ARHGAP22: variants seen among roughly 807,000 people sequenced by gnomAD.
ARHGAP22 encodes Rho GTPase activating protein 22.
ARHGAP22 carries 48 observed loss-of-function variants against 59.1 expected under a neutral mutation model. That is an observed-to-expected ratio of 0.81 (90% CI 0.64 to 1.03). The LOEUF (loss-of-function observed/expected upper bound fraction) is 1.03. ARHGAP22 is among the 50% of genes least tolerant of loss of function. The pLI, the probability that ARHGAP22 is intolerant of heterozygous loss-of-function variation, is 0.00. For synonymous variants in ARHGAP22, 445 were observed against 416.4 expected (o/e 1.07, Z -0.84); for missense variants, 1,015 against 958.7 (o/e 1.06, Z -0.78).
intron 1 of ARHGAP22, among the ~76,000 whole-genome samples, chr10:48,649,332 G>C (rs557030808): frequency 6.6e-6 from 1 of 152,294 alleles, no homozygotes; most frequent in Admixed American, 6.5e-5. Flanking sequence ...AGGCCAAGGT[G>C]AGGACAACCA....
In ARHGAP22 at chr10:48,600,170, A is replaced by T. The variant is rs371142087; in HGVS notation, c.34+4593T>A. Among the ~76,000 whole-genome samples the T allele has an allele frequency of 3.3e-5, 5 of 152,358 alleles. 1 individual carries two copies. The highest frequency in any genetic ancestry group is 1.2e-4 in the African/African-American group (5 of 41,594). The stretch of plus-strand genomic sequence containing the variant: ...GGAAGGTCCAGCTTGCATCTGGCAC[A>T]TTCTAAACACTCAACAGAGATTCTC... On this transcript the variant is annotated intron_variant, in intron 1 of 9. Transcript: ENST00000249601.
At chr10:48,653,943 A>G (rs2062657220), upstream of ARHGAP22, among the ~76,000 whole-genome samples, 1 of 152,242 alleles carries the variant, frequency 6.6e-6, no homozygotes, top group Non-Finnish European at 1.5e-5. Flanking sequence ...AGGTATGTAT[A>G]GTTGACCTGA....
chr10:48,481,522 C>T (rs1231215764), intron 3 of ARHGAP22, among the ~76,000 whole-genome samples: 1 of 151,982 alleles, frequency 6.6e-6, no homozygotes, highest in Non-Finnish European at 1.5e-5. Context: ...AATTATTTTC[C>T]CTGAAGAGGG....
chr10:48,462,256 G>GT (rs1170363325), intron 4 of ARHGAP22, among the ~76,000 whole-genome samples: 1 of 123,204 alleles, frequency 8.1e-6, no homozygotes, highest in Non-Finnish European at 1.7e-5. Context: ...GGTGGGGGGG[G>GT]GGCACCTGAG....
intron 3 of ARHGAP22, among the ~76,000 whole-genome samples, chr10:48,536,552 C>T (rs1194041904): frequency 6.6e-6 from 1 of 152,210 alleles, no homozygotes; most frequent in African/African-American, 2.4e-5. Context: ...TCTGTTTCCC[C>T]ACTTCCTACA....
chr10:48,641,389 T>C (rs994416795), intron 1 of ARHGAP22, among the ~76,000 whole-genome samples: 8 of 152,052 alleles, frequency 5.3e-5, no homozygotes, highest in Admixed American at 4.6e-4. Flanking sequence ...AGAAAAAGAA[T>C]GGAAAAATAT....
chr10:48,568,478 C>A (rs115355200), intron 2 of ARHGAP22, among the ~76,000 whole-genome samples: 1,534 of 152,334 alleles, frequency 0.01, 28 homozygotes, highest in African/African-American at 0.035. Context: ...CTGAATCCCT[C>A]TGGCTGCCCA....
chr10:48,588,737 A>G lies in ARHGAP22; in HGVS notation c.35-5585T>C, dbSNP rs188763830. On this transcript the variant is annotated intron_variant, in intron 1 of 9. Coordinates refer to ENST00000249601, the MANE Select transcript of ARHGAP22 (RefSeq NM_021226.4). Reference sequence around the variant, plus strand: ...CCAGGTACAGAGCCCAATTGACTTGATGGTGTTCCCTGTGGGGTCCCGCAG... The same window carrying G: ...CCAGGTACAGAGCCCAATTGACTTGGTGGTGTTCCCTGTGGGGTCCCGCAG... Among the ~76,000 whole-genome samples the G allele has an allele frequency of 6.6e-5, 10 of 152,318 alleles. No individual in the cohort carries two copies. In the East Asian group the frequency reaches 1.9e-3, roughly 29 times the overall value.
At chr10:48,609,771 G>T (rs1024226282), upstream of ARHGAP22, among the ~76,000 whole-genome samples, 2 of 152,132 alleles carry the variant, frequency 1.3e-5, no homozygotes, top group Non-Finnish European at 2.9e-5. Flanking sequence ...AGGCCACGGG[G>T]ACCTTCTACA....
rs139511279 is a variant in ARHGAP22 at position 48,461,284 on chromosome 10, G to A, written c.452-1393C>T. Among the ~76,000 whole-genome samples, 69 of 152,302 alleles carry A rather than the reference G, an allele frequency of 4.5e-4. 1 individual carries two copies. The highest frequency in any genetic ancestry group is 1.4e-3 in the African/African-American group (60 of 41,562). On this transcript the variant is annotated intron_variant, in intron 4 of 9. Transcript: ENST00000249601. ...TCAAACGCATCTGTGCTGTTAGGCC[G>A]GGACATGGTTCCCTTGGTGGGTCAG...
intron 2 of ARHGAP22, among the ~76,000 whole-genome samples, chr10:48,555,811 A>G (rs765269537): frequency 9.2e-5 from 14 of 152,228 alleles, no homozygotes; most frequent in Middle Eastern, 3.4e-3. Flanking sequence ...GGAACTCTGG[A>G]GCAGGGAGGG....
chr10:48,443,283 T>A (rs1487381539), downstream of ARHGAP22, among the ~76,000 whole-genome samples: 1 of 152,000 alleles, frequency 6.6e-6, no homozygotes, highest in Non-Finnish European at 1.5e-5. Flanking sequence ...TCAATTCATG[T>A]GAGTTAATGT....
chr10:48,435,316 T>A, the ARHGAP22 span: 7,058 of 284,968 alleles, frequency 0.025, 113 homozygotes, highest in Non-Finnish European at 0.036. Context: ...ATATTTGCTT[T>A]ATCTTATGCT....
At chr10:48,597,881 G>A (rs924327987) in intron 1 of ARHGAP22, among the ~76,000 whole-genome samples, 12 of 152,246 alleles carry the variant, frequency 7.9e-5, no homozygotes, top group Non-Finnish European at 8.8e-5. Context: ...CACTGGGGCT[G>A]GTGAGGATTT....
At chr10:48,604,684 G>T in intron 1 of ARHGAP22, 79 bp downstream of exon 1, 1 of 1,609,964 alleles carries the variant, frequency 6.2e-7, no homozygotes, top group Non-Finnish European at 8.5e-7. Context: ...CACATGGCGT[G>T]ACGGCTGGCC....
At chr10:48,582,366 C>A (rs1240542750) in intron 2 of ARHGAP22, among the ~76,000 whole-genome samples, 1 of 152,200 alleles carries the variant, frequency 6.6e-6, no homozygotes, top group African/African-American at 2.4e-5. Flanking sequence ...ACACAGAGTA[C>A]CTCATTATGA....
intron 2 of ARHGAP22, among the ~76,000 whole-genome samples, chr10:48,558,507 G>A (rs756475996): frequency 6.6e-6 from 1 of 151,956 alleles, no homozygotes; most frequent in Non-Finnish European, 1.5e-5. Context: ...ATAGGTGTAT[G>A]CCACCATGCC....
upstream of ARHGAP22, among the ~76,000 whole-genome samples, chr10:48,653,382 C>T (rs2062637353): frequency 6.6e-6 from 1 of 152,258 alleles, no homozygotes; most frequent in East Asian, 1.9e-4. Context: ...GTCACCACTG[C>T]AGGAAGGTGC....
intron 1 of ARHGAP22, among the ~76,000 whole-genome samples, chr10:48,649,919 C>A (rs779463020): frequency 6.6e-6 from 1 of 151,722 alleles, no homozygotes; most frequent in Non-Finnish European, 1.5e-5. Context: ...TGCCCTCAAT[C>A]CTTGAAAATG....
Sources: gnomAD v4.1 joint callset for allele counts (sites outside exome capture counted in the v4.1 genomes callset) on GRCh38, gnomAD v4.1.1 for gene constraint, MANE v1.5 for transcripts, NCBI Gene and HGNC (gene_info 2026-07-23, HGNC 2026-07-21) for gene names.